The following CD320 variants were observed in gnomAD, a reference collection of about 807,000 sequenced individuals.
The protein encoded by CD320 is CD320 antigen.
Under a neutral mutation model 22.1 loss-of-function variants are expected in CD320, and 16 were observed. That is an observed-to-expected ratio of 0.73 (90% confidence interval 0.49 to 1.10). CD320 has a LOEUF of 1.10. Ranked by LOEUF, CD320 falls within the 50% of genes least tolerant of loss-of-function variation. CD320 has a pLI of 0.00. For synonymous variants in CD320, 188 were observed against 167.8 expected, an observed-to-expected ratio of 1.12 and a Z score of -0.93; for missense variants, 388 against 376.9, an observed-to-expected ratio of 1.03 and a Z score of -0.24.
At chr19:8,306,116 G>C (rs1267858321) in intron 1 of CD320, among the ~76,000 whole-genome samples, 5 of 152,080 alleles carry the variant, frequency 3.3e-5, no homozygotes, top group Non-Finnish European at 5.9e-5. Flanking sequence ...CCAGAGACTT[G>C]CCTTTCCCTC....
intron 2 of CD320, 49 bp downstream of exon 2, chr19:8,304,982 C>T: frequency 1.3e-6 from 2 of 1,595,434 alleles, no homozygotes; most frequent in Non-Finnish European, 1.7e-6. Flanking sequence ...GACAAACCAC[C>T]CTCAGGCCCC....
chr19:8,305,021 G>A lies in CD320; in HGVS notation c.268+10C>T. The stretch of plus-strand genomic sequence containing the variant: ...CCCTGTAAGCCCCGCCAAGGGGCGT[G>A]GCCACTCACTGCACTCCTCCTCATC... On this transcript the variant is annotated intron_variant, in intron 2 of 4. Transcript: ENST00000301458. 4 of 1,604,456 alleles carry A rather than the reference G, an allele frequency of 2.5e-6. No homozygotes were observed. The highest frequency in any genetic ancestry group is 3.4e-6 in the Non-Finnish European group (4 of 1,179,604).
At position 8,303,028 on chromosome 19, in the gene CD320, C is replaced by A. The variant is rs115039587; in HGVS notation, c.503-48G>T. The A allele has an allele frequency of 2.9e-3, 4,433 of 1,535,210 alleles. 117 individuals carry two copies. In the African/African-American group the frequency reaches 0.056, roughly 20 times the overall value. On this transcript the variant is annotated intron_variant, in intron 3 of 4. Coordinates refer to ENST00000301458, the MANE Select transcript of CD320 (RefSeq NM_016579.4). ...GTAGTTGAGGAGAGAGCACTGAAGG[C>A]GTGAGGGGGCCAGATGCCCAGGGGA... is the stretch of plus-strand genomic sequence containing the variant.
chr19:8,303,739 C>T, intron 3 of CD320, 116 bp downstream of exon 3: 3 of 730,510 alleles, frequency 4.1e-6, no homozygotes, highest in Non-Finnish European at 7.2e-6. Flanking sequence ...GATTCCCCCA[C>T]AGGGATGCAG....
At position 8,305,059 on chromosome 19, in the gene CD320, G is replaced by T; in HGVS notation, c.240C>A (p.Cys80Ter). 1 of 1,611,100 alleles carries T rather than the reference G, an allele frequency of 6.2e-7. No homozygotes were observed. Residue 80 changes from cysteine to a stop codon, truncating the protein, a stop_gained, in exon 2 of 5, where the codon TGC becomes TGA. Transcript: ENST00000301458. LOFTEE classifies it high-confidence loss of function. ...LTWRCDRDLD[C>*]SDGSDEEECR... Reference sequence around the variant, plus strand: ...ACTCCTCCTCATCGCTGCCATCGCTGCAGTCCAAGTCCCTGTCGCAGCGCC... The same window carrying T: ...ACTCCTCCTCATCGCTGCCATCGCTTCAGTCCAAGTCCCTGTCGCAGCGCC...
At chr19:8,307,079 G>A (rs1489915214) in intron 1 of CD320, among the ~76,000 whole-genome samples, 4 of 149,986 alleles carry the variant, frequency 2.7e-5, no homozygotes, top group Non-Finnish European at 1.5e-5. Flanking sequence ...AACACTTGAG[G>A]TCAGGAGTTC....
chr19:8,305,446 G>A (rs1334933260), intron 1 of CD320: 14 of 371,648 alleles, frequency 3.8e-5, no homozygotes, highest in Non-Finnish European at 6.3e-5. Flanking sequence ...AGTGGCTCAC[G>A]CCTGTAATCT....
At chr19:8,308,077 G>T in intron 1 of CD320, 72 bp downstream of exon 1, 5 of 1,361,500 alleles carry the variant, frequency 3.7e-6, no homozygotes, top group Non-Finnish European at 4.8e-6. Flanking sequence ...CAGTGACTAG[G>T]CGTTGTCGGT....
Position 8,308,240 on chromosome 19 carries a change from C to G in CD320, c.51G>C (p.Leu17=). The part of the protein sequence containing the change: ...AQVGAWRTGA[L]GLALLLLLGL... ...CGAGCAGCAGCAGCAGCGCCAGGCC[C>G]AGAGCCCCTGTTCGCCACGCTCCAA... The change falls in exon 1 of 5, where the codon CTG becomes CTC. Residue 17 remains leucine, a synonymous_variant. Coordinates refer to ENST00000301458, the MANE Select transcript of CD320 (RefSeq NM_016579.4). 6.3e-7 allele frequency: 1 copy of G among 1,582,610 alleles called. No individual in the cohort carries two copies. Among genetic ancestry groups the G allele is most frequent in the Non-Finnish European group, 8.5e-7 (1 of 1,170,846 alleles).
chr19:8,308,161 C>G lies in CD320; in HGVS notation c.130G>C (p.Ala44Pro). 3.9e-6 allele frequency: 6 copies of G among 1,544,866 alleles called. No homozygotes were observed. Among genetic ancestry groups the G allele is most frequent in the Non-Finnish European group, 5.2e-6 (6 of 1,154,038 alleles). Residue 44 changes from alanine to proline, a missense_variant, in exon 1 of 5, where the codon GCC becomes CCC. By Grantham distance (27) the Ala-to-Pro change is conservative (BLOSUM62 -1). Coordinates refer to ENST00000301458, the MANE Select transcript of CD320 (RefSeq NM_016579.4). ...GGGCGTCACTCACCTGCGGCCTGGG[C>G]AGAGGTCGGGGTGGAAAGCGGGCTC... Reference protein sequence around the residue: ...AASPLSTPTSAQAAGPSSGSC... With the variant: ...AASPLSTPTSPQAAGPSSGSC...
At chr19:8,305,786 GC>G (rs1227044678) in intron 1 of CD320, 1 of 153,184 alleles carries the variant, frequency 6.5e-6, no homozygotes, top group Non-Finnish European at 1.5e-5. Flanking sequence ...TCTTCACCAG[GC>G]TCCTCATAGC....
chr19:8,304,801 G>T, intron 2 of CD320: 1 of 523,264 alleles, frequency 1.9e-6, no homozygotes. Flanking sequence ...AGGATCAAGT[G>T]ATCGATCCTC....
At chr19:8,303,732 T>TC in intron 3 of CD320, 123 bp downstream of exon 3, 1 of 706,032 alleles carries the variant, frequency 1.4e-6, no homozygotes, top group Non-Finnish European at 2.5e-6. Context: ...ATGTCTTGAT[T>TC]CCCCCACAGG....
At chr19:8,306,221 A>G (rs1389078246) in intron 1 of CD320, among the ~76,000 whole-genome samples, 1 of 152,128 alleles carries the variant, frequency 6.6e-6, no homozygotes, top group Non-Finnish European at 1.5e-5. Flanking sequence ...CCTAGGAAGC[A>G]CTGCCTCCCA....
At position 8,308,311 on chromosome 19, in the gene CD320, G is replaced by T; in HGVS notation, c.-21C>A. 6.3e-7 allele frequency: 1 copy of T among 1,581,942 alleles called. No individual in the cohort carries two copies. ...CTCATGCTGTCCCCACAGCGGCGCCGGCCACGCGCTGTCCAGACCGCTCTC... is the reference window on the plus strand; with the variant it reads ...CTCATGCTGTCCCCACAGCGGCGCCTGCCACGCGCTGTCCAGACCGCTCTC... On this transcript the variant is annotated 5_prime_UTR_variant, in exon 1 of 5. Coordinates refer to ENST00000301458, the MANE Select transcript of CD320 (RefSeq NM_016579.4).
chr19:8,303,569 T>C (rs899473918), intron 3 of CD320, among the ~76,000 whole-genome samples: 3 of 152,124 alleles, frequency 2.0e-5, no homozygotes, highest in African/African-American at 7.2e-5. Context: ...TGTGCCACCA[T>C]GCCCAGCAAA....
At chr19:8,304,994 C>T in intron 2 of CD320, 37 bp downstream of exon 2, 1 of 1,598,562 alleles carries the variant, frequency 6.3e-7, no homozygotes, top group African/African-American at 1.3e-5. Flanking sequence ...TCAGGCCCCG[C>T]CCCCTGTAAG....
chr19:8,305,934 G>A (rs1568558443), intron 1 of CD320: 1 of 152,300 alleles, frequency 6.6e-6, no homozygotes, highest in East Asian at 1.9e-4. Context: ...TAGCAAAAGG[G>A]AAACTGAGGC....
chr19:8,303,115 T>TTTTA, intron 3 of CD320, 135 bp from the exon 4 acceptor site: 4 of 106,246 alleles, frequency 3.8e-5, no homozygotes, highest in South Asian at 3.9e-4. Context: ...TAATTATGTC[T>TTTTA]TTTTTTTTTT....
Sources: allele counts gnomAD v4.1 joint callset (sites outside exome capture counted in the v4.1 genomes callset), GRCh38; gene constraint gnomAD v4.1.1; transcripts MANE v1.5; gene names NCBI Gene and HGNC (gene_info 2026-07-23, HGNC 2026-07-21).